The following CRYL1 variants were observed in gnomAD, a reference collection of about 807,000 sequenced individuals.
CRYL1 encodes the protein lambda-crystallin homolog.
CRYL1 carries 29 observed loss-of-function variants against 36.6 expected under a neutral mutation model. That is an observed-to-expected ratio of 0.79 (90% confidence interval 0.59 to 1.08). The LOEUF (loss-of-function observed/expected upper bound fraction) is 1.08, where lower values mean the gene tolerates loss of function less well. CRYL1 is among the 50% of genes least tolerant of loss of function. CRYL1 has a pLI of 0.00. For missense variants in CRYL1, 411 were observed against 407.9 expected, an observed-to-expected ratio of 1.01 and a Z score of -0.06; for synonymous variants, 152 against 151.5, an observed-to-expected ratio of 1.00 and a Z score of -0.02.
At chr13:20,474,163 C>A (rs1368532849) in intron 3 of CRYL1, among the ~76,000 whole-genome samples, 1 of 152,158 alleles carries the variant, frequency 6.6e-6, no homozygotes, top group Non-Finnish European at 1.5e-5. Flanking sequence ...AACTGTTCCA[C>A]TTAAAAGCAT....
chr13:20,489,428 G>T lies in CRYL1; in HGVS notation c.218C>A (p.Ser73Ter), dbSNP rs372564868. 2 of 1,613,524 alleles carry T rather than the reference G, an allele frequency of 1.2e-6. No individual in the cohort carries two copies. The highest frequency in any genetic ancestry group is 2.7e-5 in the African/African-American group (2 of 74,924). Residue 73 changes from serine to a stop codon, truncating the protein, a stop_gained, in exon 3 of 8, where the codon TCA (serine) becomes TAA (stop). Coordinates refer to ENST00000298248, the MANE Select transcript of CRYL1 (RefSeq NM_015974.3). LOFTEE classifies it high-confidence loss of function. Reference sequence around the variant, plus strand: ...GATATTGGGACAACCACTGATGAGTGACAGCTGCTCTTCCACACTCAGGGA... The same window carrying T: ...GATATTGGGACAACCACTGATGAGTTACAGCTGCTCTTCCACACTCAGGGA... ...KGSLSVEEQL[S>*]LISGCPNIQE...
chr13:20,490,319 G>C (rs947377119), intron 2 of CRYL1, among the ~76,000 whole-genome samples: 27 of 152,154 alleles, frequency 1.8e-4, no homozygotes, highest in African/African-American at 6.3e-4. Flanking sequence ...TTGAACCCAG[G>C]AGGCAGATGT....
intron 4 of CRYL1, among the ~76,000 whole-genome samples, chr13:20,434,273 G>T (rs1456778934): frequency 6.6e-6 from 1 of 152,186 alleles, no homozygotes; most frequent in Non-Finnish European, 1.5e-5. Flanking sequence ...CTTACAAAAG[G>T]ATTGTAAAAT....
chr13:20,520,977 G>T (rs368096880), intron 1 of CRYL1, among the ~76,000 whole-genome samples: 2 of 151,920 alleles, frequency 1.3e-5, no homozygotes, highest in Non-Finnish European at 2.9e-5. Flanking sequence ...GGTGGCAGGG[G>T]CCTGTAGTCC....
chr13:20,523,020 G>A (rs1031764471), intron 1 of CRYL1, among the ~76,000 whole-genome samples: 42 of 137,610 alleles, frequency 3.1e-4, no homozygotes, highest in Admixed American at 4.2e-4. Flanking sequence ...GAGTTCAAGC[G>A]ATTCTCCTGA....
intron 1 of CRYL1, among the ~76,000 whole-genome samples, chr13:20,518,163 A>G (rs1009613566): frequency 6.6e-6 from 1 of 151,982 alleles, no homozygotes; most frequent in Admixed American, 6.6e-5. Flanking sequence ...TCACTGAGGA[A>G]ATACGTAAAG....
chr13:20,499,845 C>G (rs2033674181), intron 2 of CRYL1, among the ~76,000 whole-genome samples: 1 of 152,130 alleles, frequency 6.6e-6, no homozygotes, highest in Non-Finnish European at 1.5e-5. Context: ...CAGAAATAAC[C>G]AAATTTCCTT....
chr13:20,517,893 A>T (rs1221288037), intron 1 of CRYL1, among the ~76,000 whole-genome samples: 2 of 137,292 alleles, frequency 1.5e-5, no homozygotes, highest in Non-Finnish European at 3.1e-5. Context: ...CCGAGATCAC[A>T]CCACTGCACT....
chr13:20,421,939 T>C (rs962077275), intron 5 of CRYL1, among the ~76,000 whole-genome samples: 1 of 152,138 alleles, frequency 6.6e-6, no homozygotes, highest in African/African-American at 2.4e-5. Flanking sequence ...AAATCAGCAG[T>C]ATCTCTCTTT....
chr13:20,506,592 G>A (rs2033799274), intron 2 of CRYL1, among the ~76,000 whole-genome samples: 1 of 151,608 alleles, frequency 6.6e-6, no homozygotes, highest in Admixed American at 6.6e-5. Context: ...CAGTCCTGAT[G>A]CCTGAAAGGA....
chr13:20,456,756 A>C (rs1593456770), intron 3 of CRYL1, among the ~76,000 whole-genome samples: 1 of 150,344 alleles, frequency 6.7e-6, no homozygotes, highest in African/African-American at 2.5e-5. Flanking sequence ...CGACCTGCCC[A>C]CCCCCCACTC....
At chr13:20,419,917 T>A (rs1483676313) in intron 5 of CRYL1, among the ~76,000 whole-genome samples, 1 of 152,162 alleles carries the variant, frequency 6.6e-6, no homozygotes, top group Non-Finnish European at 1.5e-5. Context: ...GACCCAGTGG[T>A]TCCCACCCAC....
chr13:20,417,434 TGA>T (rs1300709468), intron 5 of CRYL1, among the ~76,000 whole-genome samples: 1 of 152,206 alleles, frequency 6.6e-6, no homozygotes, highest in Admixed American at 6.5e-5. Flanking sequence ...GAACCCTACC[TGA>T]GTCCAGCCCT....
At chr13:20,482,761 G>C (rs1007541024) in intron 3 of CRYL1, among the ~76,000 whole-genome samples, 1 of 152,138 alleles carries the variant, frequency 6.6e-6, no homozygotes, top group African/African-American at 2.4e-5. Flanking sequence ...GTGTGTGCGC[G>C]CGTGTGTGTG....
intron 5 of CRYL1, among the ~76,000 whole-genome samples, chr13:20,419,836 A>G (rs1029499401): frequency 1.3e-5 from 2 of 152,038 alleles, no homozygotes; most frequent in Admixed American, 6.5e-5. Flanking sequence ...CGTTTTCTAT[A>G]CTCTTCACCA....
chr13:20,464,929 C>G (rs1265905736), intron 3 of CRYL1, among the ~76,000 whole-genome samples: 1 of 152,198 alleles, frequency 6.6e-6, no homozygotes, highest in African/African-American at 2.4e-5. Flanking sequence ...TGAAAGAAAA[C>G]CTCTGCACCT....
intron 5 of CRYL1, among the ~76,000 whole-genome samples, chr13:20,419,288 TTTATTA>T (rs1240995162): frequency 6.6e-6 from 1 of 151,738 alleles, no homozygotes; most frequent in Admixed American, 6.6e-5. Flanking sequence ...AGAGATTAAG[TTTATTA>T]TTATTATTAT....
chr13:20,424,300 G>T (rs1289790960), intron 5 of CRYL1, among the ~76,000 whole-genome samples: 3 of 152,206 alleles, frequency 2.0e-5, no homozygotes, highest in Non-Finnish European at 4.4e-5. Context: ...AGGTGCTGCT[G>T]AGTGGCTGGA....
In CRYL1 at chr13:20,415,337, C is replaced by A. The variant is rs1318487800; in HGVS notation, c.634-1950G>T. On this transcript the variant is annotated intron_variant, in intron 5 of 7. Coordinates refer to ENST00000298248, the MANE Select transcript of CRYL1 (RefSeq NM_015974.3). The surrounding 1 kb of genome is among the most constrained non-coding windows in gnomAD (Gnocchi z 4.1). ...GGGCCTCCAGGGCAGCCCCAGGGGT[C>A]CCCCGAGAAGCGAGAAAAGGGGTTC... is the stretch of plus-strand genomic sequence containing the variant. Among the ~76,000 whole-genome samples, 5 of 152,108 alleles carry A rather than the reference C, an allele frequency of 3.3e-5. No individual in the cohort carries two copies. Among genetic ancestry groups the A allele is most frequent in the African/African-American group, 1.2e-4 (5 of 41,450 alleles).
Sources: allele counts gnomAD v4.1 joint callset (sites outside exome capture counted in the v4.1 genomes callset), GRCh38; gene constraint gnomAD v4.1.1; non-coding constraint Gnocchi (gnomAD v3.1); transcripts MANE v1.5; gene names NCBI Gene and HGNC (gene_info 2026-07-23, HGNC 2026-07-21).